Variants in RNF121 observed in about 807,000 individuals in gnomAD.
RNF121 encodes ring finger protein 121.
A neutral mutation model predicts 46.5 loss-of-function variants in RNF121; 21 were observed. The ratio of observed to expected loss-of-function variants is 0.45; its 90% confidence interval spans 0.32 to 0.65. The LOEUF (loss-of-function observed/expected upper bound fraction) is 0.65, where lower values mean the gene tolerates loss of function less well. Ranked by LOEUF, RNF121 falls within the 30% of genes least tolerant of loss-of-function variation. RNF121 has a pLI of 0.04. For missense variants in RNF121, 346 were observed against 416.0 expected (o/e 0.83, Z 1.46); for synonymous variants, 139 against 144.7 (o/e 0.96, Z 0.28).
intron 4 of RNF121, chr11:71,983,731 G>A (rs1954709332): frequency 6.6e-6 from 1 of 152,280 alleles, no homozygotes; most frequent in Admixed American, 6.5e-5. Flanking sequence ...TCTGTTTAAT[G>A]GAGGAGATGG....
chr11:71,994,713 C>A lies in RNF121; in HGVS notation c.628-6C>A. On this transcript the variant is annotated splice_region_variant and splice_polypyrimidine_tract_variant and intron_variant, in intron 6 of 8. Transcript: ENST00000361756. ...CCTATCTTTCCTTCCTGCTATTCTC[C>A]TTCAGTTCTACAGCGAGTCGGGCAT... is the stretch of plus-strand genomic sequence containing the variant. 2 of 1,614,056 alleles carry A rather than the reference C, an allele frequency of 1.2e-6. No individual in the cohort carries two copies. Among genetic ancestry groups the A allele is most frequent in the Non-Finnish European group, 1.7e-6 (2 of 1,179,982 alleles).
At chr11:71,940,467 A>G (rs914217896) in intron 1 of RNF121, among the ~76,000 whole-genome samples, 1 of 152,200 alleles carries the variant, frequency 6.6e-6, no homozygotes, top group African/African-American at 2.4e-5. Flanking sequence ...AGCATTAGGA[A>G]TGAACGCCCA....
chr11:71,970,418 TG>T (rs1590798905), intron 3 of RNF121, among the ~76,000 whole-genome samples: 1 of 152,218 alleles, frequency 6.6e-6, no homozygotes, highest in Non-Finnish European at 1.5e-5. Context: ...CCCAGCACTT[TG>T]GAAGACTAAG....
intron 4 of RNF121, among the ~76,000 whole-genome samples, chr11:71,985,436 T>A (rs1954753546): frequency 6.6e-6 from 1 of 152,108 alleles, no homozygotes; most frequent in Non-Finnish European, 1.5e-5. Context: ...CCATATTGAG[T>A]TTTTTGACCT....
At chr11:71,937,897 A>C (rs1380185558) in intron 1 of RNF121, among the ~76,000 whole-genome samples, 1 of 152,190 alleles carries the variant, frequency 6.6e-6, no homozygotes, top group Admixed American at 6.5e-5. Flanking sequence ...CCTTGAAGTC[A>C]TTTGCTACCT....
rs188912957 is a variant in RNF121, at chr11:71,951,048, A to C, written c.64-6179A>C. 3.0e-3 allele frequency among the ~76,000 whole-genome samples: 456 copies of C among 152,150 alleles called. 2 individuals are homozygous for C. The highest frequency in any genetic ancestry group is 0.011 in the African/African-American group (439 of 41,498). Reference sequence around the variant, plus strand: ...GAGACCAGCCTGACCAACATGGAGAAACCCTGTCTCTACTAAAAATACAAA... The same window carrying C: ...GAGACCAGCCTGACCAACATGGAGACACCCTGTCTCTACTAAAAATACAAA... On this transcript the variant is annotated intron_variant, in intron 1 of 8. Transcript: ENST00000361756.
intron 6 of RNF121, among the ~76,000 whole-genome samples, chr11:71,992,059 A>G (rs909897240): frequency 7.2e-5 from 11 of 152,126 alleles, no homozygotes; most frequent in Admixed American, 7.2e-4. Context: ...GAGCTTGTTC[A>G]TGCCACCAAA....
chr11:71,991,052 G>A (rs1954854839), intron 6 of RNF121, among the ~76,000 whole-genome samples: 1 of 152,112 alleles, frequency 6.6e-6, no homozygotes, highest in South Asian at 2.1e-4. Flanking sequence ...GGCAACAGTA[G>A]GCACTGGGGA....
intron 1 of RNF121, among the ~76,000 whole-genome samples, chr11:71,956,861 G>C (rs1284560040): frequency 6.6e-6 from 1 of 152,170 alleles, no homozygotes; most frequent in African/African-American, 2.4e-5. Flanking sequence ...TGGGTTAAAA[G>C]GTTAAAAGGC....
chr11:71,951,491 G>A (rs1263253392), intron 1 of RNF121, among the ~76,000 whole-genome samples: 1 of 151,942 alleles, frequency 6.6e-6, no homozygotes, highest in African/African-American at 2.4e-5. Context: ...GGTAGTCTCA[G>A]CTACTTGGGA....
intron 3 of RNF121, among the ~76,000 whole-genome samples, chr11:71,971,939 T>C (rs1344468551): frequency 6.6e-6 from 1 of 152,188 alleles, no homozygotes; most frequent in Non-Finnish European, 1.5e-5. Flanking sequence ...TTCACTGAAG[T>C]GTTAATTATG....
chr11:71,966,483 A>T (rs1309139448), intron 3 of RNF121, among the ~76,000 whole-genome samples: 2 of 150,948 alleles, frequency 1.3e-5, no homozygotes, highest in African/African-American at 2.4e-5. Context: ...TTCATTTCTG[A>T]TACTTTTTTT....
At chr11:71,969,068 G>A (rs1401401918) in intron 3 of RNF121, among the ~76,000 whole-genome samples, 1 of 151,634 alleles carries the variant, frequency 6.6e-6, no homozygotes, top group African/African-American at 2.4e-5. Context: ...GTATTTTTTA[G>A]TAGAGACAGA....
chr11:71,939,796 C>A (rs1953521450), intron 1 of RNF121, among the ~76,000 whole-genome samples: 1 of 152,070 alleles, frequency 6.6e-6, no homozygotes, highest in Non-Finnish European at 1.5e-5. Context: ...ATTTATTGTG[C>A]ACTTAATTAT....
chr11:71,976,084 A>G (rs746471998), intron 3 of RNF121, among the ~76,000 whole-genome samples: 16 of 152,158 alleles, frequency 1.1e-4, no homozygotes, highest in Non-Finnish European at 2.2e-4. Flanking sequence ...ATGACTCTTC[A>G]GATATCATTT....
At chr11:71,946,625 G>A (rs1293548806) in intron 1 of RNF121, among the ~76,000 whole-genome samples, 2 of 151,310 alleles carry the variant, frequency 1.3e-5, no homozygotes, top group East Asian at 3.9e-4. Context: ...ATGGGAATGA[G>A]GAGTTAGTAA....
At chr11:71,956,368 C>CA (rs1362318184) in intron 1 of RNF121, among the ~76,000 whole-genome samples, 1 of 152,122 alleles carries the variant, frequency 6.6e-6, no homozygotes, top group African/African-American at 2.4e-5. Flanking sequence ...GCCCTAAACT[C>CA]AAAGAATATA....
chr11:71,979,548 CAAAACA>C (rs565328190), intron 3 of RNF121, among the ~76,000 whole-genome samples: 96 of 152,298 alleles, frequency 6.3e-4, no homozygotes, highest in African/African-American at 2.1e-3. Flanking sequence ...CCAAAAACTA[CAAAACA>C]AAGCAAGATT....
intron 1 of RNF121, among the ~76,000 whole-genome samples, chr11:71,953,474 GTGC>G (rs778087939): frequency 7.9e-5 from 12 of 152,208 alleles, no homozygotes; most frequent in Non-Finnish European, 1.8e-4. Flanking sequence ...TGTAGTAGCA[GTGC>G]TTCTCAAACT....
Sources: gnomAD v4.1 joint callset for allele counts (sites outside exome capture counted in the v4.1 genomes callset) on GRCh38, gnomAD v4.1.1 for gene constraint, MANE v1.5 for transcripts, NCBI Gene and HGNC (gene_info 2026-07-23, HGNC 2026-07-21) for gene names.